NHERF1: variants seen among roughly 807,000 people sequenced by gnomAD.
The protein encoded by NHERF1 is Na(+)/H(+) exchange regulatory cofactor NHE-RF1.
the NHERF1 span, among the ~76,000 whole-genome samples, chr17:74,767,360 C>G: frequency 6.6e-6 from 1 of 152,196 alleles, no homozygotes; most frequent in African/African-American, 2.4e-5. Flanking sequence ...CTCCTCCCCC[C>G]TTCCCTGGGC....
At chr17:74,761,418 T>G in the NHERF1 span, among the ~76,000 whole-genome samples, 2 of 152,222 alleles carry the variant, frequency 1.3e-5, no homozygotes, top group Non-Finnish European at 2.9e-5. This position sits in a 1 kb window ranked among gnomAD's most constrained non-coding sequence, Gnocchi z 4.3. Flanking sequence ...TCCTTCTGGC[T>G]CCCTTTTGGC....
At chr17:74,760,591 C>G in the NHERF1 span, among the ~76,000 whole-genome samples, 2 of 152,248 alleles carry the variant, frequency 1.3e-5, no homozygotes, top group Admixed American at 1.3e-4. The surrounding 1 kb of genome is among the most constrained non-coding windows in gnomAD (Gnocchi z 4.5). Flanking sequence ...GGCGCGCCTT[C>G]CCACCCCTCT....
the NHERF1 span, among the ~76,000 whole-genome samples, chr17:74,755,315 C>A: frequency 1.3e-5 from 2 of 152,192 alleles, no homozygotes; most frequent in African/African-American, 4.8e-5. Flanking sequence ...TCCCTTCTCA[C>A]GTGATGTGAT....
At chr17:74,755,764 T>C in the NHERF1 span, among the ~76,000 whole-genome samples, 9 of 152,192 alleles carry the variant, frequency 5.9e-5, no homozygotes, top group African/African-American at 2.2e-4. Flanking sequence ...TTCGCGAGGC[T>C]CCCGGGCACT....
the NHERF1 span, among the ~76,000 whole-genome samples, chr17:74,753,804 C>T: frequency 6.6e-6 from 1 of 152,056 alleles, no homozygotes; most frequent in Non-Finnish European, 1.5e-5. Context: ...TCCTTCTCCC[C>T]TTTCCCAGAT....
At chr17:74,757,713 G>T in the NHERF1 span, among the ~76,000 whole-genome samples, 5 of 152,120 alleles carry the variant, frequency 3.3e-5, no homozygotes, top group African/African-American at 1.2e-4. Flanking sequence ...AGCAAATATG[G>T]CTCTTACACC....
At chr17:74,768,267 G>A in the NHERF1 span, 2 of 1,549,440 alleles carry the variant, frequency 1.3e-6, no homozygotes, top group Non-Finnish European at 1.8e-6. Flanking sequence ...GTGGCAACTG[G>A]GTTACAGGAA....
At chr17:74,754,937 G>T in the NHERF1 span, among the ~76,000 whole-genome samples, 18 of 152,326 alleles carry the variant, frequency 1.2e-4, no homozygotes, top group African/African-American at 4.3e-4. Context: ...CCACCAGTGA[G>T]GCAGATATTG....
chr17:74,765,592 C>T, the NHERF1 span, among the ~76,000 whole-genome samples: 9 of 151,002 alleles, frequency 6.0e-5, no homozygotes, highest in African/African-American at 1.7e-4. Context: ...GTCTCTGTCA[C>T]CCAGGCTAGA....
the NHERF1 span, among the ~76,000 whole-genome samples, chr17:74,758,126 G>C: frequency 6.6e-6 from 1 of 152,228 alleles, no homozygotes; most frequent in Non-Finnish European, 1.5e-5. This position sits in a 1 kb window ranked among gnomAD's most constrained non-coding sequence, Gnocchi z 4.3. Flanking sequence ...AGCAGGGAGC[G>C]GCCCTGGGCC....
At chr17:74,764,372 C>G in the NHERF1 span, among the ~76,000 whole-genome samples, 1 of 152,228 alleles carries the variant, frequency 6.6e-6, no homozygotes, top group Non-Finnish European at 1.5e-5. This position sits in a 1 kb window ranked among gnomAD's most constrained non-coding sequence, Gnocchi z 4.9. Context: ...TGGCGCAATC[C>G]AAGGCCTGAG....
the NHERF1 span, among the ~76,000 whole-genome samples, chr17:74,763,790 C>T: frequency 1.3e-5 from 2 of 152,218 alleles, no homozygotes; most frequent in African/African-American, 2.4e-5. Flanking sequence ...TTCTTATTCC[C>T]GGCCAAAGCT....
At chr17:74,758,549 C>T in the NHERF1 span, among the ~76,000 whole-genome samples, 1 of 152,156 alleles carries the variant, frequency 6.6e-6, no homozygotes, top group Non-Finnish European at 1.5e-5. The surrounding 1 kb of genome is among the most constrained non-coding windows in gnomAD (Gnocchi z 4.3). Flanking sequence ...CTGATTTTGT[C>T]TTGAACTTGG....
At chr17:74,765,557 C>CTT in the NHERF1 span, among the ~76,000 whole-genome samples, 1,537 of 128,800 alleles carry the variant, frequency 0.012, 28 homozygotes, top group African/African-American at 0.042. Context: ...CGCGCCTGGC[C>CTT]TTTTTTTTTT....
the NHERF1 span, among the ~76,000 whole-genome samples, chr17:74,758,754 G>A: frequency 6.6e-6 from 1 of 152,152 alleles, no homozygotes; most frequent in East Asian, 1.9e-4. This position sits in a 1 kb window ranked among gnomAD's most constrained non-coding sequence, Gnocchi z 4.3. Context: ...TTCCCCAGAG[G>A]CAGAACCCAG....
chr17:74,748,799 G>T, the NHERF1 span: 7 of 1,502,950 alleles, frequency 4.7e-6, no homozygotes, highest in Non-Finnish European at 6.3e-6. This position sits in a 1 kb window ranked among gnomAD's most constrained non-coding sequence, Gnocchi z 4.3. Context: ...GTCCCGTCCC[G>T]TCCCCATCGG....
At chr17:74,768,616 T>A in the NHERF1 span, 1 of 1,614,076 alleles carries the variant, frequency 6.2e-7, no homozygotes, top group Non-Finnish European at 8.5e-7. Context: ...GCCCCGCAGA[T>A]GGACTGGAGC....
At chr17:74,764,438 G>A in the NHERF1 span, among the ~76,000 whole-genome samples, 3 of 152,196 alleles carry the variant, frequency 2.0e-5, no homozygotes, top group Non-Finnish European at 4.4e-5. The surrounding 1 kb of genome is among the most constrained non-coding windows in gnomAD (Gnocchi z 4.9). Flanking sequence ...GGGCATGGGA[G>A]GTGGGGTACC....
At chr17:74,754,155 C>T in the NHERF1 span, among the ~76,000 whole-genome samples, 3 of 151,574 alleles carry the variant, frequency 2.0e-5, no homozygotes, top group Non-Finnish European at 2.9e-5. Context: ...CAGAGTGAGA[C>T]TCATCTCCAA....
Sources: allele counts gnomAD v4.1 joint callset (sites outside exome capture counted in the v4.1 genomes callset), GRCh38; gene constraint gnomAD v4.1.1; non-coding constraint Gnocchi (gnomAD v3.1); transcripts MANE v1.5; gene names NCBI Gene and HGNC (gene_info 2026-07-23, HGNC 2026-07-21).